Variants in ZNF804A observed in about 807,000 individuals in gnomAD.
ZNF804A encodes the protein zinc finger protein 804A.
In ZNF804A, 2 loss-of-function variants were observed where a neutral mutation model predicts 16.5. The ratio of observed to expected loss-of-function variants is 0.12; its 90% CI spans 0.05 to 0.38. The LOEUF (loss-of-function observed/expected upper bound fraction) is 0.38. ZNF804A is among the 10% of genes least tolerant of loss of function. ZNF804A has a pLI of 0.99. For synonymous variants in ZNF804A, 534 were observed against 489.6 expected (o/e 1.09, Z -1.20); for missense variants, 1,473 against 1,390.7 (o/e 1.06, Z -0.94).
chr2:184,889,388 C>G (rs1179605859), intron 2 of ZNF804A, among the ~76,000 whole-genome samples: 5 of 151,288 alleles, frequency 3.3e-5, no homozygotes, highest in Non-Finnish European at 5.9e-5. Flanking sequence ...AAAATGGTCA[C>G]ACATGTCAGA....
chr2:184,613,647 G>C (rs1691274194), intron 1 of ZNF804A, among the ~76,000 whole-genome samples: 1 of 152,124 alleles, frequency 6.6e-6, no homozygotes, highest in African/African-American at 2.4e-5. Flanking sequence ...GCAGTAAGAA[G>C]CTAATATAAG....
intron 1 of ZNF804A, among the ~76,000 whole-genome samples, chr2:184,636,148 G>T (rs1691691896): frequency 6.6e-6 from 1 of 151,432 alleles, no homozygotes; most frequent in South Asian, 2.1e-4. Context: ...TGTATAGGAA[G>T]AAAAAAATTA....
intron 1 of ZNF804A, among the ~76,000 whole-genome samples, chr2:184,799,253 C>G (rs115426980): frequency 3.9e-5 from 6 of 152,022 alleles, no homozygotes; most frequent in Non-Finnish European, 8.8e-5. Context: ...CCAGTCAGAG[C>G]TGCAATCTAG....
intron 2 of ZNF804A, among the ~76,000 whole-genome samples, chr2:184,891,038 A>G (rs959265165): frequency 6.6e-6 from 1 of 152,132 alleles, no homozygotes; most frequent in Non-Finnish European, 1.5e-5. Context: ...ATAGTGAGCA[A>G]TACAACCACA....
rs145727369 is a variant in ZNF804A at position 184,790,232 on chromosome 2, T to G, written c.112-76137T>G. On this transcript the variant is annotated intron_variant, in intron 1 of 3. Transcript: ENST00000302277. ...TTTTTTTTGCTTTTTTGTTTTTTTG[T>G]TTTTTTTTTGAGACTTGCCTTATGG... 5.7e-4 allele frequency among the ~76,000 whole-genome samples: 85 copies of G among 148,212 alleles called. 2 individuals are homozygous for G. The East Asian group carries it at 6.3e-3, about 11-fold the overall frequency.
At chr2:184,853,540 C>T (rs1259109265) in intron 1 of ZNF804A, among the ~76,000 whole-genome samples, 1 of 151,820 alleles carries the variant, frequency 6.6e-6, no homozygotes, top group Non-Finnish European at 1.5e-5. Context: ...GTTTGTCATA[C>T]ATGGCCTTCA....
chr2:184,657,613 A>G (rs1404397413), intron 1 of ZNF804A, among the ~76,000 whole-genome samples: 1 of 152,198 alleles, frequency 6.6e-6, no homozygotes, highest in African/African-American at 2.4e-5. Flanking sequence ...TATGTCAAGA[A>G]ACCTGAGTAT....
At chr2:184,880,337 T>C (rs1684789570) in intron 2 of ZNF804A, among the ~76,000 whole-genome samples, 1 of 152,114 alleles carries the variant, frequency 6.6e-6, no homozygotes, top group Non-Finnish European at 1.5e-5. Flanking sequence ...TAGCTTTTTT[T>C]ATTACAATAA....
intron 1 of ZNF804A, among the ~76,000 whole-genome samples, chr2:184,816,036 T>C (rs1038387465): frequency 6.6e-6 from 1 of 152,080 alleles, no homozygotes; most frequent in Non-Finnish European, 1.5e-5. Context: ...AAATGCATTA[T>C]GAACACAGAG....
intron 1 of ZNF804A, among the ~76,000 whole-genome samples, chr2:184,733,630 T>A (rs922560366): frequency 3.3e-5 from 5 of 152,172 alleles, no homozygotes; most frequent in African/African-American, 1.2e-4. Flanking sequence ...TAGAATACTT[T>A]AGTAAACCCA....
At chr2:184,623,567 A>T (rs1691449932) in intron 1 of ZNF804A, among the ~76,000 whole-genome samples, 2 of 152,128 alleles carry the variant, frequency 1.3e-5, no homozygotes. Context: ...ACTGCTTAAG[A>T]TCAAATTAAT....
intron 1 of ZNF804A, among the ~76,000 whole-genome samples, chr2:184,700,961 A>G (rs977248681): frequency 2.0e-5 from 3 of 151,990 alleles, no homozygotes; most frequent in Admixed American, 6.6e-5. Flanking sequence ...ATTTCTTTGT[A>G]GGGAGAACAT....
chr2:184,640,196 A>G (rs1691771799), intron 1 of ZNF804A, among the ~76,000 whole-genome samples: 2 of 151,780 alleles, frequency 1.3e-5, no homozygotes, highest in African/African-American at 4.8e-5. Context: ...AAGTAGGAGG[A>G]GGAGCAGGGG....
At chr2:184,918,805 G>A (rs946602160) in intron 2 of ZNF804A, among the ~76,000 whole-genome samples, 1 of 152,236 alleles carries the variant, frequency 6.6e-6, no homozygotes, top group East Asian at 1.9e-4. Context: ...ACATCCACCA[G>A]TAGGGGAGGG....
chr2:184,830,112 A>C (rs1343477180), intron 1 of ZNF804A, among the ~76,000 whole-genome samples: 3 of 50,458 alleles, frequency 5.9e-5, no homozygotes, highest in Non-Finnish European at 1.1e-4. Flanking sequence ...ACACCCACCC[A>C]CACACACACA....
intron 1 of ZNF804A, among the ~76,000 whole-genome samples, chr2:184,626,709 T>G (rs1242691246): frequency 6.6e-6 from 1 of 152,222 alleles, no homozygotes; most frequent in East Asian, 1.9e-4. Flanking sequence ...CTAGAATGTT[T>G]GTTTTAAATA....
intron 1 of ZNF804A, among the ~76,000 whole-genome samples, chr2:184,629,457 A>G (rs1301753222): frequency 6.6e-6 from 1 of 152,180 alleles, no homozygotes; most frequent in African/African-American, 2.4e-5. Context: ...TATATTTTTC[A>G]AAGTTTTATG....
chr2:184,735,545 C>T (rs111852409), intron 1 of ZNF804A, among the ~76,000 whole-genome samples: 1 of 152,128 alleles, frequency 6.6e-6, no homozygotes, highest in Non-Finnish European at 1.5e-5. Context: ...ACCTATGTAA[C>T]AAACCTGCAT....
At position 184,937,328 on chromosome 2, in the gene ZNF804A, A is replaced by G; in HGVS notation, c.1932A>G (p.Leu644=). The G allele has an allele frequency of 6.2e-7, 1 of 1,613,944 alleles. No homozygotes were observed. Among genetic ancestry groups the G allele is most frequent in the Non-Finnish European group, 8.5e-7 (1 of 1,179,916 alleles). ...AACCAATTTCAGAAAAGCAGTATTT[A>G]GCTGCAGAGCAATTATTAGACTCAC... The part of the protein sequence containing the change: ...LLEPISEKQY[L]AAEQLLDSHQ... The change falls in exon 4 of 4, where the codon TTA becomes TTG. Residue 644 remains leucine, a synonymous_variant. Coordinates refer to ENST00000302277, the MANE Select transcript of ZNF804A (RefSeq NM_194250.2).
Sources: allele counts gnomAD v4.1 joint callset (sites outside exome capture counted in the v4.1 genomes callset), GRCh38; gene constraint gnomAD v4.1.1; transcripts MANE v1.5; gene names NCBI Gene and HGNC (gene_info 2026-07-23, HGNC 2026-07-21).